Variants in DPP6 observed in about 807,000 individuals in gnomAD.
DPP6 encodes the protein A-type potassium channel modulatory protein DPP6.
In DPP6, 69 loss-of-function variants were observed where a neutral mutation model predicts 122.6. The observed-to-expected ratio is 0.56, with a 90% CI of 0.46 to 0.69. The LOEUF is 0.69. Ranked by LOEUF, DPP6 falls within the 30% of genes least tolerant of loss-of-function variation. The probability of loss-of-function intolerance (pLI) is 0.00; values close to 1 mark genes in which losing one functional copy is unlikely to be tolerated. For missense variants in DPP6, 928 were observed against 1,116.9 expected (o/e 0.83, Z 2.41); for synonymous variants, 418 against 433.1 (o/e 0.97, Z 0.43).
At chr7:154,404,454 A>G (rs980757000) in intron 1 of DPP6, among the ~76,000 whole-genome samples, 16 of 152,238 alleles carry the variant, frequency 1.1e-4, no homozygotes, top group African/African-American at 3.4e-4. Context: ...GAAAATATTT[A>G]CCACAAATAA....
At chr7:154,198,009 G>A (rs1028230578) in intron 1 of DPP6, among the ~76,000 whole-genome samples, 4 of 152,094 alleles carry the variant, frequency 2.6e-5, no homozygotes, top group Admixed American at 2.6e-4. Context: ...ATCTGGGCAG[G>A]GAGCAGAACC....
At chr7:153,789,626 G>C in the DPP6 span, among the ~76,000 whole-genome samples, 1 of 152,144 alleles carries the variant, frequency 6.6e-6, no homozygotes, top group Non-Finnish European at 1.5e-5. Flanking sequence ...TAAGTGAGAA[G>C]CTTTTGTATT....
intron 1 of DPP6, among the ~76,000 whole-genome samples, chr7:153,951,633 T>A (rs1422108375): frequency 1.3e-5 from 2 of 152,154 alleles, no homozygotes; most frequent in Non-Finnish European, 2.9e-5. Context: ...TTTACAGGCG[T>A]GGTGAGATTA....
At position 154,760,874 on chromosome 7, in the gene DPP6, G is replaced by T. The variant is rs117259730; in HGVS notation, c.884-8543G>T. On this transcript the variant is annotated intron_variant, in intron 8 of 25. Coordinates refer to ENST00000377770, the MANE Select transcript of DPP6 (RefSeq NM_130797.4). The surrounding 1 kb of genome is among the most constrained non-coding windows in gnomAD (Gnocchi z 4.5). ...TTTTTTGAGACAGTCTTGCTGTGTC[G>T]CCCAGGCTTGAGTGCAATGGTGCAA... 1.4e-5 allele frequency among the ~76,000 whole-genome samples: 2 copies of T among 145,986 alleles called. No individual in the cohort carries two copies. The highest frequency in any genetic ancestry group is 6.9e-5 in the Admixed American group (1 of 14,486).
At chr7:154,500,821 A>G (rs754550984) in intron 3 of DPP6, among the ~76,000 whole-genome samples, 22 of 152,328 alleles carry the variant, frequency 1.4e-4, no homozygotes, top group Non-Finnish European at 2.9e-4. Context: ...AAATGTGGAA[A>G]TGACTTTGGA....
intron 1 of DPP6, among the ~76,000 whole-genome samples, chr7:153,985,558 G>A (rs71265485): frequency 6.6e-6 from 1 of 152,118 alleles, no homozygotes; most frequent in African/African-American, 2.4e-5. Flanking sequence ...TTGGTGTGGT[G>A]GATGGGACTA....
chr7:154,514,977 C>T (rs1279263014), intron 3 of DPP6, among the ~76,000 whole-genome samples: 1 of 152,196 alleles, frequency 6.6e-6, no homozygotes, highest in East Asian at 1.9e-4. Context: ...TTATAAGAAG[C>T]TCTTAATATT....
At chr7:154,278,297 A>G (rs901363330) in intron 1 of DPP6, among the ~76,000 whole-genome samples, 3 of 152,222 alleles carry the variant, frequency 2.0e-5, no homozygotes, top group Non-Finnish European at 2.9e-5. Context: ...CCTTTGACTG[A>G]GGAACAGTTT....
At chr7:154,176,307 G>C (rs1458363336) in intron 1 of DPP6, among the ~76,000 whole-genome samples, 1 of 152,124 alleles carries the variant, frequency 6.6e-6, no homozygotes, top group Non-Finnish European at 1.5e-5. Flanking sequence ...TATGGGAAGG[G>C]GATGTATGTA....
chr7:153,998,991 C>T (rs1280805182), intron 1 of DPP6, among the ~76,000 whole-genome samples: 1 of 152,240 alleles, frequency 6.6e-6, no homozygotes, highest in African/African-American at 2.4e-5. Flanking sequence ...TTCTGTGAGA[C>T]TCTCAAGTGA....
At chr7:154,005,926 A>C (rs1452327363) in intron 1 of DPP6, among the ~76,000 whole-genome samples, 5 of 152,094 alleles carry the variant, frequency 3.3e-5, no homozygotes, top group African/African-American at 1.2e-4. Flanking sequence ...AGCACTACCT[A>C]GGCACTGAGC....
chr7:154,214,541 C>G (rs1240292651), intron 1 of DPP6, among the ~76,000 whole-genome samples: 4 of 152,228 alleles, frequency 2.6e-5, no homozygotes, highest in Non-Finnish European at 5.9e-5. Flanking sequence ...GCCACCTTGC[C>G]TGCCTACTTC....
chr7:154,823,416 C>T lies in DPP6; in HGVS notation c.1666+16304C>T, dbSNP rs537613421. 2.0e-5 allele frequency among the ~76,000 whole-genome samples: 3 copies of T among 152,270 alleles called. No homozygotes were observed. In the South Asian group the frequency reaches 6.2e-4, roughly 32 times the overall value. On this transcript the variant is annotated intron_variant, in intron 16 of 25. Coordinates refer to ENST00000377770, the MANE Select transcript of DPP6 (RefSeq NM_130797.4). ...GCAATATGCAATTTTACACCCTATA[C>T]TTAATGCACAGTAAATGGGTCTGAA...
At chr7:154,254,948 CTTTGCAATTTGCAAAGGAAAA>C (rs895641360) in intron 1 of DPP6, among the ~76,000 whole-genome samples, 4 of 151,922 alleles carry the variant, frequency 2.6e-5, no homozygotes, top group Admixed American at 2.6e-4. Context: ...ATTGTATTTC[CTTTGCAATTTGCAAAGGAAAA>C]TTTGCAAATT....
At chr7:154,860,049 C>T (rs993139935) in intron 17 of DPP6, among the ~76,000 whole-genome samples, 4 of 152,212 alleles carry the variant, frequency 2.6e-5, no homozygotes, top group Non-Finnish European at 4.4e-5. Flanking sequence ...TTCTCTACCT[C>T]CTACTCTCTT....
At chr7:154,262,511 G>T (rs4433059) in intron 1 of DPP6, among the ~76,000 whole-genome samples, 29,031 of 151,944 alleles carry the variant, frequency 0.19, 3,234 homozygotes, top group African/African-American at 0.32. Flanking sequence ...GAGGAATCCA[G>T]CCCAGCCGGC....
At chr7:153,795,371 C>T in the DPP6 span, among the ~76,000 whole-genome samples, 10 of 152,262 alleles carry the variant, frequency 6.6e-5, no homozygotes, top group Non-Finnish European at 1.0e-4. Context: ...GCTAGGATTG[C>T]GCCACTGCAC....
intron 1 of DPP6, among the ~76,000 whole-genome samples, chr7:154,000,340 T>C (rs933374544): frequency 1.1e-4 from 17 of 152,198 alleles, no homozygotes; most frequent in Non-Finnish European, 2.1e-4. Context: ...TCATTGCGGA[T>C]TGGGGGCCAG....
chr7:154,365,213 C>A (rs1812051894), intron 1 of DPP6, among the ~76,000 whole-genome samples: 1 of 152,160 alleles, frequency 6.6e-6, no homozygotes, highest in African/African-American at 2.4e-5. Context: ...AAGGGCTTGC[C>A]CAAAGCAGAT....
Sources: gnomAD v4.1 joint callset for allele counts (sites outside exome capture counted in the v4.1 genomes callset) on GRCh38, gnomAD v4.1.1 for gene constraint, Gnocchi (gnomAD v3.1) non-coding constraint, MANE v1.5 for transcripts, NCBI Gene and HGNC (gene_info 2026-07-23, HGNC 2026-07-21) for gene names.